The following DLG2 variants were observed in gnomAD, a reference collection of about 807,000 sequenced individuals.
DLG2 encodes discs large MAGUK scaffold protein 2.
In DLG2, 45 loss-of-function variants were observed where a neutral mutation model predicts 132.5. The ratio of observed to expected loss-of-function variants is 0.34; its 90% CI spans 0.27 to 0.44. DLG2 has a LOEUF of 0.44. Ranked by LOEUF, DLG2 falls within the 20% of genes least tolerant of loss-of-function variation. The pLI, the probability that DLG2 is intolerant of heterozygous loss-of-function variation, is 1.00. For missense variants in DLG2, 1,045 were observed against 1,196.9 expected, an observed-to-expected ratio of 0.87 and a Z score of 1.87; for synonymous variants, 424 against 419.6, an observed-to-expected ratio of 1.01 and a Z score of -0.13.
chr11:85,261,662 T>A (rs976543486), intron 4 of DLG2, among the ~76,000 whole-genome samples: 2 of 152,122 alleles, frequency 1.3e-5, no homozygotes, highest in Admixed American at 1.3e-4. Context: ...GTAGCAGGCA[T>A]CATTGGGAAG....
intron 6 of DLG2, among the ~76,000 whole-genome samples, chr11:84,716,668 A>T (rs1057489588): frequency 6.6e-6 from 1 of 151,748 alleles, no homozygotes; most frequent in Non-Finnish European, 1.5e-5. Context: ...CATTCCCATA[A>T]ATAGCCTTGT....
intron 6 of DLG2, among the ~76,000 whole-genome samples, chr11:84,711,333 A>G (rs1237195913): frequency 5.3e-5 from 2 of 37,616 alleles, no homozygotes; most frequent in Non-Finnish European, 9.4e-5. Flanking sequence ...AACCAGTAAG[A>G]GAGAGAGAGA....
chr11:83,815,710 C>A (rs2048697055), intron 17 of DLG2, among the ~76,000 whole-genome samples: 1 of 152,138 alleles, frequency 6.6e-6, no homozygotes, highest in Non-Finnish European at 1.5e-5. Flanking sequence ...ATGTTCAGTG[C>A]CTTTCACTTT....
chr11:84,408,204 G>C (rs1185723513), intron 7 of DLG2, among the ~76,000 whole-genome samples: 1 of 152,082 alleles, frequency 6.6e-6, no homozygotes, highest in East Asian at 1.9e-4. Context: ...ACCAACGGGG[G>C]CAGAAGTGGT....
At position 83,965,642 on chromosome 11, in the gene DLG2, T is replaced by G. The variant is rs542201282; in HGVS notation, c.1057-174A>C. ...CAGATAAGTACAATCAATGATTCTA[T>G]AAAATAAGGTTGCTTCTGCCTTTTT... is the stretch of plus-strand genomic sequence containing the variant. On this transcript the variant is annotated intron_variant, in intron 12 of 27. Transcript: ENST00000376104. 7.9e-5 allele frequency among the ~76,000 whole-genome samples: 12 copies of G among 152,092 alleles called. No individual in the cohort carries two copies. The South Asian group carries it at 2.3e-3, about 29-fold the overall frequency.
At position 85,577,443 on chromosome 11, in the gene DLG2, G is replaced by C. The variant is rs1224004372; in HGVS notation, c.40+21214C>G. Among the ~76,000 whole-genome samples the C allele has an allele frequency of 5.3e-5, 8 of 152,200 alleles. No individual in the cohort carries two copies. The East Asian group carries it at 1.4e-3, about 26-fold the overall frequency. ...CTGTGTTCTGAGTGTGAGTAAACTG[G>C]ATAAATGATGATATTTATTGAGATA... On this transcript the variant is annotated intron_variant, in intron 3 of 27. Coordinates refer to ENST00000376104, the MANE Select transcript of DLG2 (RefSeq NM_001142699.3).
chr11:84,646,640 A>G (rs943438667), intron 6 of DLG2, among the ~76,000 whole-genome samples: 11 of 152,000 alleles, frequency 7.2e-5, no homozygotes, highest in Non-Finnish European at 1.0e-4. Context: ...CTAGAAACCA[A>G]TGGCCTGGAA....
At chr11:85,066,860 A>G (rs2065005527) in intron 6 of DLG2, among the ~76,000 whole-genome samples, 1 of 151,834 alleles carries the variant, frequency 6.6e-6, no homozygotes, top group South Asian at 2.1e-4. Context: ...ATTCTCCCTA[A>G]GAACTGGAAC....
At chr11:84,412,645 G>C (rs888643530) in intron 7 of DLG2, among the ~76,000 whole-genome samples, 1 of 152,180 alleles carries the variant, frequency 6.6e-6, no homozygotes, top group African/African-American at 2.4e-5. Context: ...ACATGCCCTA[G>C]GTGAGGGAGC....
At chr11:83,517,022 G>C (rs995378055) in intron 21 of DLG2, among the ~76,000 whole-genome samples, 12 of 152,132 alleles carry the variant, frequency 7.9e-5, no homozygotes, top group African/African-American at 2.7e-4. Flanking sequence ...TCTTCTCAAG[G>C]AGTATCTTTG....
chr11:84,914,570 T>C (rs2092334117), intron 6 of DLG2, among the ~76,000 whole-genome samples: 1 of 152,214 alleles, frequency 6.6e-6, no homozygotes, highest in Non-Finnish European at 1.5e-5. Flanking sequence ...TAAGAATTCT[T>C]CTGGTCCCTG....
chr11:85,209,050 T>C (rs2082082701), intron 4 of DLG2, among the ~76,000 whole-genome samples: 1 of 152,138 alleles, frequency 6.6e-6, no homozygotes, highest in South Asian at 2.1e-4. Flanking sequence ...CAAAAAGCAT[T>C]GATCTGGACT....
intron 18 of DLG2, among the ~76,000 whole-genome samples, chr11:83,760,696 A>G (rs1288490251): frequency 6.6e-6 from 1 of 152,114 alleles, no homozygotes; most frequent in Non-Finnish European, 1.5e-5. Flanking sequence ...CAGAAAAACA[A>G]CAACAAAAAC....
chr11:83,995,623 A>G (rs1376308201), intron 11 of DLG2, among the ~76,000 whole-genome samples: 2 of 152,242 alleles, frequency 1.3e-5, no homozygotes, highest in African/African-American at 4.8e-5. Context: ...GCATAAAAAC[A>G]GACACATAGA....
At chr11:83,479,856 T>C (rs2092954858) in intron 22 of DLG2, among the ~76,000 whole-genome samples, 1 of 152,132 alleles carries the variant, frequency 6.6e-6, no homozygotes, top group African/African-American at 2.4e-5. Context: ...AGAAATGTCA[T>C]AGTATCCTAT....
At chr11:84,122,370 T>G (rs547373817) in intron 9 of DLG2, among the ~76,000 whole-genome samples, 1 of 152,286 alleles carries the variant, frequency 6.6e-6, no homozygotes, top group Non-Finnish European at 1.5e-5. Flanking sequence ...CATTAAGCTC[T>G]CAGTGCTTTC....
chr11:84,402,415 G>C (rs565767914), intron 7 of DLG2, among the ~76,000 whole-genome samples: 1 of 152,270 alleles, frequency 6.6e-6, no homozygotes, highest in Admixed American at 6.5e-5. Flanking sequence ...TTGATATTAA[G>C]TGGCAACATA....
At chr11:85,163,409 C>T (rs185778611) in intron 4 of DLG2, among the ~76,000 whole-genome samples, 15 of 152,076 alleles carry the variant, frequency 9.9e-5, no homozygotes, top group Non-Finnish European at 1.0e-4. Context: ...TATAAAAATA[C>T]GTAATTTATA....
At chr11:85,300,910 A>T (rs892891113) in intron 3 of DLG2, among the ~76,000 whole-genome samples, 1 of 152,106 alleles carries the variant, frequency 6.6e-6, no homozygotes, top group East Asian at 1.9e-4. Flanking sequence ...CCCTAAAAAA[A>T]TTATTAGAGA....
Sources: allele counts gnomAD v4.1 joint callset (sites outside exome capture counted in the v4.1 genomes callset), GRCh38; gene constraint gnomAD v4.1.1; transcripts MANE v1.5; gene names NCBI Gene and HGNC (gene_info 2026-07-23, HGNC 2026-07-21).